AMPD3: variants seen among roughly 807,000 people sequenced by gnomAD.
AMPD3 encodes AMP deaminase 3.
AMPD3 carries 57 observed loss-of-function variants against 82.3 expected under a neutral mutation model. The ratio of observed to expected loss-of-function variants is 0.69; its 90% CI spans 0.56 to 0.86. AMPD3 has a LOEUF of 0.86. Among genes scored for constraint, AMPD3 ranks in the 40% least tolerant of loss-of-function variants. The probability of loss-of-function intolerance (pLI) is 0.00; values close to 1 mark genes in which losing one functional copy is unlikely to be tolerated. For synonymous variants in AMPD3, 381 were observed against 394.7 expected (o/e 0.97, Z 0.41); for missense variants, 870 against 1,003.8 (o/e 0.87, Z 1.80).
chr11:10,454,947 C>G (rs945242230), upstream of AMPD3, among the ~76,000 whole-genome samples: 4 of 151,736 alleles, frequency 2.6e-5, no homozygotes, highest in African/African-American at 9.7e-5. Flanking sequence ...ACAGGTGGGC[C>G]GTAATCTCTG....
upstream of AMPD3, among the ~76,000 whole-genome samples, chr11:10,452,582 A>G (rs1230991617): frequency 2.0e-5 from 3 of 152,146 alleles, no homozygotes; most frequent in African/African-American, 4.8e-5. Context: ...CACCCAGGTA[A>G]TAGAAACTTG....
chr11:10,456,820 G>A lies in AMPD3; in HGVS notation c.-6+1372G>A, dbSNP rs924745492. Reference sequence around the variant, plus strand: ...AGGGTCTGAGAGGAGAGACACTCTGGAGGGACGGGTTGGCAGGTGGGAGCT... The same window carrying A: ...AGGGTCTGAGAGGAGAGACACTCTGAAGGGACGGGTTGGCAGGTGGGAGCT... On this transcript the variant is annotated intron_variant, in intron 1 of 14. Coordinates refer to ENST00000396553, the MANE Select transcript of AMPD3 (RefSeq NM_001025389.2). This position sits in a 1 kb window ranked among gnomAD's most constrained non-coding sequence, Gnocchi z 4.3. Among the ~76,000 whole-genome samples the A allele has an allele frequency of 6.6e-6, 1 of 152,206 alleles. No individual in the cohort carries two copies. Among genetic ancestry groups the A allele is most frequent in the Admixed American group, 6.5e-5 (1 of 15,286 alleles).
At chr11:10,500,939 T>A (rs547808583) in intron 11 of AMPD3, 80 of 985,128 alleles carry the variant, frequency 8.1e-5, no homozygotes, top group Non-Finnish European at 9.4e-5. Flanking sequence ...CTGGTGCTAG[T>A]TGGTGGGTGT....
intron 2 of AMPD3, among the ~76,000 whole-genome samples, chr11:10,468,160 C>T (rs1189947960): frequency 6.6e-5 from 10 of 152,174 alleles, no homozygotes; most frequent in South Asian, 4.1e-4. Flanking sequence ...CAAATTCACA[C>T]GTAACAATAT....
intron 14 of AMPD3, 102 bp downstream of exon 14, chr11:10,504,761 C>T (rs1591490087): frequency 1.8e-6 from 2 of 1,119,072 alleles, no homozygotes; most frequent in South Asian, 1.2e-5. Flanking sequence ...ACATAGCAGG[C>T]AGGGCCTCTG....
At chr11:10,453,548 G>C (rs1848012066), upstream of AMPD3, among the ~76,000 whole-genome samples, 1 of 151,974 alleles carries the variant, frequency 6.6e-6, no homozygotes, top group Non-Finnish European at 1.5e-5. Context: ...GCTCATGCCT[G>C]GCTTTTGGGG....
At position 10,500,287 on chromosome 11, in the gene AMPD3, G is replaced by T. The variant is rs376589541; in HGVS notation, c.1721+38G>T. ...TGCCCTCGCACATGCTTGGGTTCAT[G>T]TGTTAGTACATGCACGCATGCACAC... On this transcript the variant is annotated intron_variant, in intron 11 of 14. Coordinates refer to ENST00000396553, the MANE Select transcript of AMPD3 (RefSeq NM_001025389.2). 105 of 1,611,884 alleles carry T rather than the reference G, an allele frequency of 6.5e-5. No homozygotes were observed. In the African/African-American group the frequency reaches 1.3e-3, roughly 20 times the overall value.
intron 1 of AMPD3, among the ~76,000 whole-genome samples, chr11:10,460,080 A>T (rs910532449): frequency 1.4e-5 from 2 of 143,914 alleles, no homozygotes; most frequent in Non-Finnish European, 3.0e-5. Context: ...TATAATATAT[A>T]TTTTATATAT....
Position 10,461,552 on chromosome 11 carries a change from T to C in AMPD3, c.33T>C (p.Ser11=), listed in dbSNP as rs1001914767. 8.7e-6 allele frequency: 14 copies of C among 1,614,158 alleles called. 1 individual carries two copies. The Middle Eastern group carries it at 6.6e-4, about 76-fold the overall frequency. MPRQFPKLNI[S]EVDEQVRLLA... ...GGCAGTTTCCCAAGCTGAACATCTCTGAAGTGGATGAGCAAGTCCGGCTCC... is the reference window on the plus strand; with the variant it reads ...GGCAGTTTCCCAAGCTGAACATCTCCGAAGTGGATGAGCAAGTCCGGCTCC... Residue 11 remains serine (S), a synonymous_variant, in exon 2 of 15, where the codon TCT becomes TCC. Coordinates refer to ENST00000396553, the MANE Select transcript of AMPD3 (RefSeq NM_001025389.2).
intron 1 of AMPD3, chr11:10,460,896 G>A: frequency 1.0e-6 from 1 of 985,476 alleles, no homozygotes; most frequent in Non-Finnish European, 1.2e-6. Flanking sequence ...TGAGTTTTCA[G>A]CTGGGTAAAG....
chr11:10,505,178 G>T (rs12224969), intron 14 of AMPD3: 1 of 985,280 alleles, frequency 1.0e-6, no homozygotes. Context: ...TGAGGAGCTG[G>T]CACTGAGACC....
chr11:10,505,104 A>G (rs1318774339), intron 14 of AMPD3: 1 of 984,696 alleles, frequency 1.0e-6, no homozygotes, highest in Admixed American at 6.1e-5. Context: ...GATGAACAGT[A>G]TCTAGACTGA....
In AMPD3 at chr11:10,495,560, C is replaced by T. The variant is rs1390870477; in HGVS notation, c.1267-10C>T. The T allele has an allele frequency of 2.5e-6, 4 of 1,612,618 alleles. No homozygotes were observed. The highest frequency in any genetic ancestry group is 2.2e-5 in the South Asian group (2 of 91,006). On this transcript the variant is annotated splice_polypyrimidine_tract_variant and intron_variant, in intron 8 of 14. Transcript: ENST00000396553. ...TGCACTGGGGCTGACCCAAGCTCTT[C>T]TTGTGCCAGGAGGTTGCCCGGGAGC...
At chr11:10,465,824 T>TTG (rs1446034470) in intron 2 of AMPD3, among the ~76,000 whole-genome samples, 294 of 151,270 alleles carry the variant, frequency 1.9e-3, no homozygotes, top group Non-Finnish European at 3.3e-3. Context: ...CAGGAGTTTT[T>TTG]TTTTTTTTTT....
At chr11:10,497,597 C>T (rs1037930381) in intron 10 of AMPD3, 62 of 985,172 alleles carry the variant, frequency 6.3e-5, no homozygotes, top group African/African-American at 5.2e-4. Context: ...GGCTGGGGCA[C>T]GGGGAAAGAA....
chr11:10,467,883 A>G (rs567983678), intron 2 of AMPD3, among the ~76,000 whole-genome samples: 1 of 152,354 alleles, frequency 6.6e-6, no homozygotes, highest in East Asian at 1.9e-4. Flanking sequence ...GAAGAAAAGA[A>G]TTTTCAACCC....
upstream of AMPD3, chr11:10,450,867 T>C (rs1292410222): frequency 2.5e-6 from 3 of 1,219,854 alleles, no homozygotes; most frequent in African/African-American, 1.6e-5. Context: ...TCCGCAGCGC[T>C]GCGCCCTCTG....
intron 2 of AMPD3, chr11:10,473,506 A>T (rs1848651972): frequency 1.0e-6 from 1 of 985,130 alleles, no homozygotes; most frequent in African/African-American, 1.7e-5. Context: ...TTTCCAGAGG[A>T]GCTCAGGGAG....
intron 1 of AMPD3, among the ~76,000 whole-genome samples, chr11:10,458,739 A>T (rs1192462352): frequency 6.6e-6 from 1 of 152,228 alleles, no homozygotes; most frequent in Non-Finnish European, 1.5e-5. Flanking sequence ...TATTTATGTA[A>T]ATAATGCAGG....
Sources: allele counts gnomAD v4.1 joint callset (sites outside exome capture counted in the v4.1 genomes callset), GRCh38; gene constraint gnomAD v4.1.1; non-coding constraint Gnocchi (gnomAD v3.1); transcripts MANE v1.5; gene names NCBI Gene and HGNC (gene_info 2026-07-23, HGNC 2026-07-21).